The following NPAS3 variants were observed in gnomAD, a reference collection of about 807,000 sequenced individuals.
NPAS3 encodes neuronal PAS domain protein 3.
NPAS3 carries 14 observed loss-of-function variants against 73.1 expected under a neutral mutation model. The observed-to-expected ratio is 0.19, with a 90% CI of 0.13 to 0.30. The LOEUF (loss-of-function observed/expected upper bound fraction) is 0.30. NPAS3 is among the 10% of genes least tolerant of loss of function. NPAS3 has a pLI of 1.00. For missense variants in NPAS3, 1,096 were observed against 1,250.0 expected (o/e 0.88, Z 1.86); for synonymous variants, 620 against 541.5 (o/e 1.14, Z -2.01).
intron 1 of NPAS3, among the ~76,000 whole-genome samples, chr14:32,942,260 TAC>T (rs1193453302): frequency 3.9e-5 from 6 of 152,346 alleles, no homozygotes; most frequent in Non-Finnish European, 8.8e-5. Flanking sequence ...ATCTGAAACT[TAC>T]AGAGAAAAAT....
At chr14:33,773,242 C>T (rs999449054) in intron 7 of NPAS3, among the ~76,000 whole-genome samples, 6 of 152,196 alleles carry the variant, frequency 3.9e-5, no homozygotes, top group African/African-American at 1.4e-4. Flanking sequence ...TAGCGTGGCA[C>T]TCAGTGATGC....
At chr14:33,480,233 A>G (rs1202389199) in intron 4 of NPAS3, among the ~76,000 whole-genome samples, 1 of 152,194 alleles carries the variant, frequency 6.6e-6, no homozygotes, top group East Asian at 1.9e-4. Context: ...TTTAAGAAGC[A>G]TTTTAATAAG....
At chr14:33,644,091 G>A (rs996162202) in intron 5 of NPAS3, among the ~76,000 whole-genome samples, 2 of 152,078 alleles carry the variant, frequency 1.3e-5, no homozygotes, top group Non-Finnish European at 2.9e-5. Flanking sequence ...TGTGTCACTC[G>A]CTCTTCTTTA....
intron 3 of NPAS3, among the ~76,000 whole-genome samples, chr14:33,339,034 T>A (rs1471974057): frequency 1.3e-5 from 2 of 152,214 alleles, no homozygotes; most frequent in Non-Finnish European, 2.9e-5. Context: ...ATATTATATT[T>A]TGTGAGTAAT....
intron 4 of NPAS3, among the ~76,000 whole-genome samples, chr14:33,520,878 G>A (rs766734612): frequency 3.3e-5 from 5 of 152,090 alleles, no homozygotes; most frequent in Admixed American, 1.3e-4. Context: ...ATAAGCAAAC[G>A]CTGAATGCTG....
At chr14:33,421,208 G>A (rs10483443) in intron 4 of NPAS3, among the ~76,000 whole-genome samples, 12,727 of 151,446 alleles carry the variant, frequency 0.084, 542 homozygotes, top group South Asian at 0.15. Flanking sequence ...GAAGTTGTCC[G>A]TACTGTGACT....
chr14:33,076,510 A>C (rs2041663446), intron 2 of NPAS3, among the ~76,000 whole-genome samples: 1 of 152,208 alleles, frequency 6.6e-6, no homozygotes, highest in Non-Finnish European at 1.5e-5. Flanking sequence ...CATATAGATA[A>C]TGTGGTACTT....
intron 3 of NPAS3, among the ~76,000 whole-genome samples, chr14:33,317,519 C>T (rs1315692534): frequency 2.0e-5 from 3 of 152,032 alleles, no homozygotes; most frequent in East Asian, 3.9e-4. Flanking sequence ...ATAATCCTCC[C>T]ATGTTGTGGG....
chr14:33,578,020 G>A lies in NPAS3; in HGVS notation c.558+17810G>A, dbSNP rs962146674. On this transcript the variant is annotated intron_variant, in intron 5 of 11. Transcript: ENST00000356141. ...GTGCCAATTTTGAACATACCCCATT[G>A]AGTTTGGAATTTACTTCTGGGCCGT... Among the ~76,000 whole-genome samples, 38 of 152,130 alleles carry A rather than the reference G, an allele frequency of 2.5e-4. 1 individual carries two copies.
intron 6 of NPAS3, among the ~76,000 whole-genome samples, chr14:33,702,181 C>T (rs1243950140): frequency 6.6e-6 from 1 of 152,208 alleles, no homozygotes; most frequent in Non-Finnish European, 1.5e-5. Context: ...TTTAAACATG[C>T]AAATGGTATT....
intron 2 of NPAS3, among the ~76,000 whole-genome samples, chr14:33,200,685 A>T (rs1040906279): frequency 2.6e-5 from 4 of 152,216 alleles, no homozygotes; most frequent in Admixed American, 6.5e-5. Flanking sequence ...TACATTAAAA[A>T]ATCTGGATTT....
At chr14:33,707,333 T>C (rs1284787740) in intron 6 of NPAS3, among the ~76,000 whole-genome samples, 2 of 133,716 alleles carry the variant, frequency 1.5e-5, no homozygotes, top group Non-Finnish European at 3.2e-5. Flanking sequence ...CTGGTTTCTT[T>C]TTCTTCTTTT....
intron 1 of NPAS3, among the ~76,000 whole-genome samples, chr14:33,053,168 T>C (rs1165862924): frequency 6.6e-5 from 10 of 152,152 alleles, no homozygotes; most frequent in Non-Finnish European, 1.5e-5. Context: ...ATTCTTTGCT[T>C]GCCACTAGAC....
intron 5 of NPAS3, chr14:33,578,341 GTA>G: frequency 1.5e-5 from 6 of 406,176 alleles, no homozygotes; most frequent in Non-Finnish European, 2.9e-5. Flanking sequence ...TTACAGGCAT[GTA>G]CTACCACACC....
At chr14:33,461,153 A>G (rs933261906) in intron 4 of NPAS3, among the ~76,000 whole-genome samples, 6 of 152,220 alleles carry the variant, frequency 3.9e-5, no homozygotes, top group Non-Finnish European at 5.9e-5. Context: ...TATTTAAAAT[A>G]ACAATTTTTG....
chr14:33,339,179 G>A (rs10143674), intron 3 of NPAS3, among the ~76,000 whole-genome samples: 99,371 of 151,986 alleles, frequency 0.65, 33,292 homozygotes, highest in Admixed American at 0.76. Context: ...TTATTGTTAC[G>A]CTAAATGTTA....
intron 5 of NPAS3, among the ~76,000 whole-genome samples, chr14:33,648,031 T>C (rs1326620198): frequency 6.6e-6 from 1 of 152,098 alleles, no homozygotes; most frequent in African/African-American, 2.4e-5. Context: ...TAACCTCCCC[T>C]GCTACCCTTT....
chr14:33,544,788 T>TTTTA (rs1555409893), intron 4 of NPAS3, among the ~76,000 whole-genome samples: 6 of 63,264 alleles, frequency 9.5e-5, no homozygotes, highest in East Asian at 7.7e-4. Flanking sequence ...TGTGTGTGTA[T>TTTTA]TATATATATA....
intron 2 of NPAS3, among the ~76,000 whole-genome samples, chr14:33,158,904 T>C (rs1400997242): frequency 2.6e-5 from 4 of 152,216 alleles, no homozygotes; most frequent in African/African-American, 9.7e-5. Context: ...GGCTAATGCC[T>C]GTAATCCCAG....
Sources: gnomAD v4.1 joint callset for allele counts (sites outside exome capture counted in the v4.1 genomes callset) on GRCh38, gnomAD v4.1.1 for gene constraint, MANE v1.5 for transcripts, NCBI Gene and HGNC (gene_info 2026-07-23, HGNC 2026-07-21) for gene names.